KLHL6: variants seen among roughly 807,000 people sequenced by gnomAD.
KLHL6 encodes the protein kelch like family member 6.
Under a neutral mutation model 58.6 loss-of-function variants are expected in KLHL6, and 41 were observed. That is an observed-to-expected ratio of 0.70 (90% CI 0.55 to 0.91). The LOEUF (loss-of-function observed/expected upper bound fraction) is 0.91, where lower values mean the gene tolerates loss of function less well. Among genes scored for constraint, KLHL6 ranks in the 40% least tolerant of loss-of-function variants. The pLI is 0.00. For missense variants in KLHL6, 714 were observed against 805.6 expected (o/e 0.89, Z 1.38); for synonymous variants, 338 against 322.7 (o/e 1.05, Z -0.51).
intron 1 of KLHL6, among the ~76,000 whole-genome samples, chr3:183,538,984 G>A (rs2108691841): frequency 6.6e-6 from 1 of 152,306 alleles, no homozygotes; most frequent in Non-Finnish European, 1.5e-5. Flanking sequence ...TCAGAATACA[G>A]AATCCTGTAC....
At chr3:183,537,296 A>G (rs1384464087) in intron 1 of KLHL6, among the ~76,000 whole-genome samples, 1 of 152,154 alleles carries the variant, frequency 6.6e-6, no homozygotes, top group Non-Finnish European at 1.5e-5. Flanking sequence ...GAAAATCAGC[A>G]GGAGTTCAAG....
chr3:183,548,505 G>A (rs1712801475), intron 1 of KLHL6, among the ~76,000 whole-genome samples: 2 of 152,156 alleles, frequency 1.3e-5, no homozygotes, highest in South Asian at 2.1e-4. Flanking sequence ...GTCTTGTACC[G>A]CAGTCTCTAG....
intron 2 of KLHL6, among the ~76,000 whole-genome samples, chr3:183,510,246 C>A (rs921451872): frequency 6.7e-6 from 1 of 148,232 alleles, no homozygotes; most frequent in African/African-American, 2.5e-5. Flanking sequence ...TTCTTGGTGC[C>A]CATGGGTTGA....
At chr3:183,539,998 G>A (rs926589783) in intron 1 of KLHL6, among the ~76,000 whole-genome samples, 6 of 152,194 alleles carry the variant, frequency 3.9e-5, no homozygotes, top group Admixed American at 1.3e-4. Flanking sequence ...TGACGATACA[G>A]TCACAAAGAT....
chr3:183,527,730 G>T (rs1475603579), intron 2 of KLHL6, 115 bp downstream of exon 2: 1 of 789,164 alleles, frequency 1.3e-6, no homozygotes, highest in Non-Finnish European at 2.1e-6. Context: ...GTGCGTGTGT[G>T]TGTGTGTGTC....
chr3:183,536,790 T>A (rs1321093500), intron 1 of KLHL6, among the ~76,000 whole-genome samples: 2 of 152,174 alleles, frequency 1.3e-5, no homozygotes, highest in South Asian at 4.1e-4. Flanking sequence ...ACAACCCTTA[T>A]CTCTTCAGCA....
intron 1 of KLHL6, among the ~76,000 whole-genome samples, chr3:183,549,320 T>C (rs1296845425): frequency 6.6e-6 from 1 of 152,196 alleles, no homozygotes. Flanking sequence ...CCAATGATTG[T>C]AACACCAGGG....
rs59577322 is a variant in KLHL6, at chr3:183,490,794, CA to C, written c.*1132del. 0.42 allele frequency: 58,338 copies of C among 139,412 alleles called. 12,919 individuals are homozygous for C. The highest frequency in any genetic ancestry group is 0.77 in the East Asian group (3,707 of 4,844). The allele number at this position is 139,412 out of a possible 1,614,324, so 8.6% of individuals were successfully genotyped here. A position where few individuals can be genotyped will look rare whatever the true frequency, so the allele number is the denominator to read the frequency against. On this transcript the variant is annotated 3_prime_UTR_variant, in exon 7 of 7. Coordinates refer to ENST00000341319, the MANE Select transcript of KLHL6 (RefSeq NM_130446.4). The stretch of plus-strand genomic sequence containing the variant: ...CACTCCAGCCTGGGCGACTTCATCT[CA>C]AAAAAAAAAAAAAGAGGGTTTCAAT...
At position 183,508,314 on chromosome 3, in the gene KLHL6, C is replaced by T. The variant is rs375641756; in HGVS notation, c.654G>A (p.Leu218=). 7.5e-5 allele frequency: 121 copies of T among 1,614,086 alleles called. 1 individual carries two copies. Among genetic ancestry groups the T allele is most frequent in the African/African-American group, 1.3e-5 (1 of 74,944 alleles). The change falls in exon 3 of 7, where the codon CTG becomes CTA. Residue 218 remains leucine, a synonymous_variant. Coordinates refer to ENST00000341319, the MANE Select transcript of KLHL6 (RefSeq NM_130446.4). The part of the protein sequence containing the change: ...EEFLDLPVDT[L]HHILKSDDLY... ...GGTCATCACTCTTCAAGATGTGGTG[C>T]AGAGTGTCCACGGGCAGGTCAAGAA...
chr3:183,509,602 C>G (rs1256444708), intron 2 of KLHL6, among the ~76,000 whole-genome samples: 1 of 152,218 alleles, frequency 6.6e-6, no homozygotes, highest in Non-Finnish European at 1.5e-5. Flanking sequence ...TCACGGGGCT[C>G]TTCATTCCAG....
intron 2 of KLHL6, among the ~76,000 whole-genome samples, chr3:183,525,499 A>G (rs1317541931): frequency 6.6e-6 from 1 of 152,192 alleles, no homozygotes; most frequent in Non-Finnish European, 1.5e-5. Flanking sequence ...ATCTAACTTC[A>G]TAATAGCTTT....
At chr3:183,528,546 G>A (rs1303763299) in intron 1 of KLHL6, among the ~76,000 whole-genome samples, 3 of 152,152 alleles carry the variant, frequency 2.0e-5, no homozygotes, top group Non-Finnish European at 4.4e-5. Context: ...CTCATTTCAG[G>A]ACTCTGTCTC....
rs79743680 is a variant in KLHL6 at position 183,496,040 on chromosome 3, T to C, written c.1148-1759A>G. ...AGAAGTAACTGGAAAATGTATAGGA[T>C]ATTATGTTAATGACCTTGGGGTTAG... is the stretch of plus-strand genomic sequence containing the variant. On this transcript the variant is annotated intron_variant, in intron 4 of 6. Coordinates refer to ENST00000341319, the MANE Select transcript of KLHL6 (RefSeq NM_130446.4). Among the ~76,000 whole-genome samples the C allele has an allele frequency of 9.6e-3, 1,457 of 152,314 alleles. 21 individuals carry two copies. Among genetic ancestry groups the C allele is most frequent in the African/African-American group, 0.033 (1,386 of 41,576 alleles).
intron 1 of KLHL6, among the ~76,000 whole-genome samples, chr3:183,530,461 T>C (rs1166174951): frequency 1.3e-5 from 2 of 152,220 alleles, no homozygotes; most frequent in Admixed American, 6.5e-5. Flanking sequence ...TGAAATTGGA[T>C]ATTTAGCTGC....
intron 1 of KLHL6, among the ~76,000 whole-genome samples, chr3:183,537,072 A>G (rs993191502): frequency 1.3e-5 from 2 of 152,170 alleles, no homozygotes; most frequent in African/African-American, 4.8e-5. Context: ...TACCCTGGCC[A>G]TGGCCACCAT....
At chr3:183,511,753 T>C (rs1718192031) in intron 2 of KLHL6, among the ~76,000 whole-genome samples, 1 of 152,212 alleles carries the variant, frequency 6.6e-6, no homozygotes, top group African/African-American at 2.4e-5. Flanking sequence ...AAACCTTGAT[T>C]CCATACAACA....
chr3:183,506,144 A>G (rs1422701408), intron 3 of KLHL6, among the ~76,000 whole-genome samples: 24 of 152,230 alleles, frequency 1.6e-4, no homozygotes, highest in Admixed American at 1.6e-3. Flanking sequence ...CTGCATAGTG[A>G]GATATATGTA....
chr3:183,504,422 G>A (rs545640530), intron 3 of KLHL6, among the ~76,000 whole-genome samples: 4 of 152,248 alleles, frequency 2.6e-5, no homozygotes, highest in African/African-American at 9.6e-5. Context: ...TCTCACCACT[G>A]AAGAATTTTC....
At chr3:183,519,373 G>A (rs968639311) in intron 2 of KLHL6, among the ~76,000 whole-genome samples, 2 of 152,174 alleles carry the variant, frequency 1.3e-5, no homozygotes, top group Non-Finnish European at 2.9e-5. Context: ...TGGGAACACA[G>A]GTGCTCCAGT....
Sources: gnomAD v4.1 joint callset for allele counts (sites outside exome capture counted in the v4.1 genomes callset) on GRCh38, gnomAD v4.1.1 for gene constraint, MANE v1.5 for transcripts, NCBI Gene and HGNC (gene_info 2026-07-23, HGNC 2026-07-21) for gene names.